Variants in PDE12 observed in about 807,000 individuals in gnomAD.
PDE12 encodes 2',5'-phosphodiesterase 12.
PDE12 carries 26 observed loss-of-function variants against 45.4 expected under a neutral mutation model. The ratio of observed to expected loss-of-function variants is 0.57; its 90% confidence interval spans 0.42 to 0.79. The LOEUF (loss-of-function observed/expected upper bound fraction) is 0.79, where lower values mean the gene tolerates loss of function less well. PDE12 is among the 30% of genes least tolerant of loss of function. PDE12 has a pLI of 0.00. For missense variants in PDE12, 668 were observed against 790.0 expected (o/e 0.85, Z 1.85); for synonymous variants, 283 against 323.9 (o/e 0.87, Z 1.36).
At chr3:57,579,587 C>G in the PDE12 span, among the ~76,000 whole-genome samples, 2 of 152,100 alleles carry the variant, frequency 1.3e-5, no homozygotes, top group Non-Finnish European at 2.9e-5. Flanking sequence ...CGCGCCCAGC[C>G]CCATCCTACA....
At chr3:57,595,209 A>G in the PDE12 span, among the ~76,000 whole-genome samples, 6 of 152,214 alleles carry the variant, frequency 3.9e-5, no homozygotes, top group African/African-American at 1.4e-4. Flanking sequence ...CCCCTCTGAT[A>G]CTTTCATCAA....
the PDE12 span, chr3:57,654,535 T>TC: frequency 1.3e-6 from 1 of 742,852 alleles, no homozygotes; most frequent in Non-Finnish European, 1.6e-6. Context: ...AACTGATGTG[T>TC]CTCTCATTGT....
chr3:57,570,408 A>G (rs1229154816), downstream of PDE12, among the ~76,000 whole-genome samples: 1 of 53,920 alleles, frequency 1.9e-5, no homozygotes, highest in East Asian at 2.7e-4. Flanking sequence ...TTTAGTAGAG[A>G]TGGGGTTTCA....
chr3:57,580,789 TA>T, the PDE12 span, among the ~76,000 whole-genome samples: 459 of 150,382 alleles, frequency 3.1e-3, 2 homozygotes, highest in African/African-American at 0.011. Flanking sequence ...TTTTTTTTTT[TA>T]AATGTAAAGA....
chr3:57,608,312 G>T, the PDE12 span, among the ~76,000 whole-genome samples: 50 of 152,242 alleles, frequency 3.3e-4, no homozygotes, highest in Admixed American at 3.0e-3. Context: ...ATTGATGCTA[G>T]GAAGAAACTG....
chr3:57,584,384 C>T, the PDE12 span: 1 of 1,604,980 alleles, frequency 6.2e-7, no homozygotes, highest in Non-Finnish European at 8.5e-7. Context: ...ACTTTCTTAC[C>T]AATGGTAGGA....
chr3:57,635,801 G>T, the PDE12 span, among the ~76,000 whole-genome samples: 1 of 152,100 alleles, frequency 6.6e-6, no homozygotes. Context: ...TGAACAGCAT[G>T]GGTTTAAACT....
rs901761021 is a variant in PDE12 at position 57,565,941 on chromosome 3, G to A, written c.*5937G>A. 2.6e-5 allele frequency: 4 copies of A among 152,152 alleles called. No homozygotes were observed. The highest frequency in any genetic ancestry group is 5.9e-5 in the Non-Finnish European group (4 of 68,042). The allele number at this position is 152,152 out of a possible 1,614,324, so 9.4% of individuals were successfully genotyped here. On this transcript the variant is annotated 3_prime_UTR_variant, in exon 3 of 3. Coordinates refer to ENST00000311180, the MANE Select transcript of PDE12 (RefSeq NM_177966.7). The stretch of plus-strand genomic sequence containing the variant: ...AACAGTGGCCTTCCTCAGAAAAGCT[G>A]GGCTATAGTGTTTTGGGTATCTTAA...
chr3:57,622,431 G>A, the PDE12 span, among the ~76,000 whole-genome samples: 17 of 152,164 alleles, frequency 1.1e-4, no homozygotes, highest in Non-Finnish European at 2.1e-4. Flanking sequence ...CATACAAAAT[G>A]TTAGTTGGGA....
chr3:57,557,939 T>G (rs1463425275), intron 1 of PDE12, among the ~76,000 whole-genome samples: 2 of 152,188 alleles, frequency 1.3e-5, no homozygotes, highest in African/African-American at 4.8e-5. Flanking sequence ...GTGCTTACAA[T>G]CTAGCGAGAG....
At chr3:57,609,476 T>C in the PDE12 span, among the ~76,000 whole-genome samples, 1 of 151,764 alleles carries the variant, frequency 6.6e-6, no homozygotes, top group Non-Finnish European at 1.5e-5. Flanking sequence ...ATCAACAAAA[T>C]TGATAGACTG....
At chr3:57,590,903 T>C in the PDE12 span, among the ~76,000 whole-genome samples, 1 of 152,190 alleles carries the variant, frequency 6.6e-6, no homozygotes, top group Non-Finnish European at 1.5e-5. Context: ...CCAGGCTGCG[T>C]AATAGTTTAA....
At chr3:57,605,796 A>G in the PDE12 span, among the ~76,000 whole-genome samples, 1 of 152,204 alleles carries the variant, frequency 6.6e-6, no homozygotes, top group African/African-American at 2.4e-5. Flanking sequence ...AAGTAAAGAC[A>G]TGTAAGATAT....
chr3:57,640,194 G>C, the PDE12 span, among the ~76,000 whole-genome samples: 2 of 151,138 alleles, frequency 1.3e-5, no homozygotes, highest in Admixed American at 1.3e-4. Flanking sequence ...TCCTGAACCC[G>C]TGAAGCAGAG....
At chr3:57,577,937 C>T in the PDE12 span, among the ~76,000 whole-genome samples, 1 of 151,926 alleles carries the variant, frequency 6.6e-6, no homozygotes, top group Non-Finnish European at 1.5e-5. Flanking sequence ...TGCCTTTAGT[C>T]CCAGCTACTT....
the PDE12 span, among the ~76,000 whole-genome samples, chr3:57,591,693 C>G: frequency 6.6e-6 from 1 of 152,120 alleles, no homozygotes; most frequent in Admixed American, 6.5e-5. Context: ...TCTCGAACTC[C>G]TGACCTCGTG....
the PDE12 span, among the ~76,000 whole-genome samples, chr3:57,607,877 A>G: frequency 6.6e-6 from 1 of 152,158 alleles, no homozygotes; most frequent in Admixed American, 6.5e-5. Context: ...AATTCAGGAA[A>G]TACACAGAAC....
At chr3:57,628,878 A>C in the PDE12 span, 1 of 1,612,420 alleles carries the variant, frequency 6.2e-7, no homozygotes, top group East Asian at 2.2e-5. Context: ...GATCCAGAGA[A>C]GTAAGTCCTA....
chr3:57,617,453 C>T, the PDE12 span, among the ~76,000 whole-genome samples: 1 of 152,112 alleles, frequency 6.6e-6, no homozygotes, highest in South Asian at 2.1e-4. Context: ...AATCCCATTA[C>T]AGGGTATATA....
Sources: allele counts gnomAD v4.1 joint callset (sites outside exome capture counted in the v4.1 genomes callset), GRCh38; gene constraint gnomAD v4.1.1; transcripts MANE v1.5; gene names NCBI Gene and HGNC (gene_info 2026-07-23, HGNC 2026-07-21).